ADGRE3: variants seen among roughly 807,000 people sequenced by gnomAD.
The protein encoded by ADGRE3 is EGF-like module receptor 3.
ADGRE3 carries 88 observed loss-of-function variants against 80.1 expected under a neutral mutation model. The ratio of observed to expected loss-of-function variants is 1.10; its 90% CI spans 0.93 to 1.31. ADGRE3 has a LOEUF of 1.31. Among genes scored for constraint, ADGRE3 ranks in the 40% most tolerant of loss-of-function variants. The pLI is 0.00. For synonymous variants in ADGRE3, 281 were observed against 294.8 expected (o/e 0.95, Z 0.48); for missense variants, 715 against 776.5 (o/e 0.92, Z 0.94).
the ADGRE3 span, among the ~76,000 whole-genome samples, chr19:14,609,658 T>C: frequency 6.6e-6 from 1 of 150,982 alleles, no homozygotes; most frequent in African/African-American, 2.4e-5. Context: ...GCCAACATGG[T>C]GAAACCCCGT....
chr19:14,673,026 A>C, intron 1 of ADGRE3, among the ~76,000 whole-genome samples: 1 of 152,178 alleles, frequency 6.6e-6, no homozygotes, highest in Non-Finnish European at 1.5e-5. Flanking sequence ...CCACCTCAGA[A>C]GTGTGGAGGA....
At chr19:14,659,398 A>G (rs1256340517) in intron 4 of ADGRE3, among the ~76,000 whole-genome samples, 1 of 152,148 alleles carries the variant, frequency 6.6e-6, no homozygotes, top group Non-Finnish European at 1.5e-5. Context: ...GTCCGAGAAA[A>G]CAGAAAATTA....
Position 14,647,451 on chromosome 19 carries a change from C to T in ADGRE3, c.698-86G>A, listed in dbSNP as rs1420884845. 8.9e-5 allele frequency: 101 copies of T among 1,128,828 alleles called. No homozygotes were observed. The African/African-American group carries it at 1.0e-3, about 11-fold the overall frequency. 69.9% of individuals were successfully genotyped at this position (1,128,828 alleles called of 1,614,324 possible). On this transcript the variant is annotated intron_variant, in intron 7 of 15. Transcript: ENST00000253673. ...TTTTGAGACGGAGTCTCGCTCTTGT[C>T]GCCCAGCCAGGCTGGAGTGCAGTGG...
At chr19:14,615,045 C>G (rs543422058), downstream of ADGRE3, among the ~76,000 whole-genome samples, 5 of 152,096 alleles carry the variant, frequency 3.3e-5, no homozygotes, top group African/African-American at 1.2e-4. Flanking sequence ...GCCACTACAC[C>G]TGGCTAACCA....
At chr19:14,642,613 C>T (rs1971284361) in intron 9 of ADGRE3, among the ~76,000 whole-genome samples, 1 of 152,086 alleles carries the variant, frequency 6.6e-6, no homozygotes, top group African/African-American at 2.4e-5. Context: ...CTGTTGTTCC[C>T]CTCTTTGTGT....
chr19:14,604,860 C>T, the ADGRE3 span, among the ~76,000 whole-genome samples: 1 of 152,026 alleles, frequency 6.6e-6, no homozygotes, highest in African/African-American at 2.4e-5. Flanking sequence ...TTGGCATTGC[C>T]TATAGTAGAA....
intron 6 of ADGRE3, among the ~76,000 whole-genome samples, chr19:14,653,914 C>T (rs1338010128): frequency 6.7e-6 from 1 of 150,246 alleles, no homozygotes; most frequent in Non-Finnish European, 1.5e-5. Flanking sequence ...GAAGAATAGG[C>T]ACTGACTTTT....
the ADGRE3 span, among the ~76,000 whole-genome samples, chr19:14,603,651 A>G: frequency 6.6e-6 from 1 of 151,444 alleles, no homozygotes; most frequent in Non-Finnish European, 1.5e-5. Flanking sequence ...TTTTTAGTAG[A>G]GTTAGGGTAT....
chr19:14,661,850 A>C (rs932013142), intron 4 of ADGRE3, 113 bp downstream of exon 4: 3 of 1,159,200 alleles, frequency 2.6e-6, no homozygotes, highest in Non-Finnish European at 3.7e-6. Flanking sequence ...CAGCCACTGC[A>C]CTCCAGCCTG....
chr19:14,649,416 ATC>A lies in ADGRE3; in HGVS notation c.697+1667_697+1668del, dbSNP rs1427688025. ...TCTCTCTCTTTCCATCTCTCTCCCC[ATC>A]TCTCTAATTTCATCTCTCTCTCCCC... On this transcript the variant is annotated intron_variant, in intron 7 of 15. Transcript: ENST00000253673. Among the ~76,000 whole-genome samples, 3 of 66,334 alleles carry A rather than the reference ATC, an allele frequency of 4.5e-5. No homozygotes were observed. In the Admixed American group the frequency reaches 4.5e-4, roughly 10 times the overall value. The allele number at this position is 66,334 out of a possible 152,430, so 43.5% of individuals were successfully genotyped here. A position where few individuals can be genotyped will look rare whatever the true frequency, so the allele number is the denominator to read the frequency against.
At chr19:14,610,147 C>T in the ADGRE3 span, 3 of 1,601,630 alleles carry the variant, frequency 1.9e-6, no homozygotes, top group Non-Finnish European at 2.6e-6. Context: ...AATGATCTCT[C>T]TTGCTACAAA....
At chr19:14,647,159 T>A (rs776318851) in intron 8 of ADGRE3, 22 bp downstream of exon 8, 1 of 1,608,082 alleles carries the variant, frequency 6.2e-7, no homozygotes, top group Non-Finnish European at 8.5e-7. Flanking sequence ...ACCCACAAGC[T>A]CAAATCATAC....
the ADGRE3 span, among the ~76,000 whole-genome samples, chr19:14,607,447 C>T: frequency 6.6e-6 from 1 of 151,902 alleles, no homozygotes; most frequent in Non-Finnish European, 1.5e-5. Flanking sequence ...TCGTGATCTG[C>T]CCGCCTTGGC....
chr19:14,674,802 C>T lies in ADGRE3; in HGVS notation c.-32G>A. 3.1e-6 allele frequency: 5 copies of T among 1,612,584 alleles called. No individual in the cohort carries two copies. The highest frequency in any genetic ancestry group is 4.2e-6 in the Non-Finnish European group (5 of 1,179,208). On this transcript the variant is annotated 5_prime_UTR_variant, in exon 1 of 16. Coordinates refer to ENST00000253673, the MANE Select transcript of ADGRE3 (RefSeq NM_032571.5). The stretch of plus-strand genomic sequence containing the variant: ...GGTACGGGTATCCCACGCCAGCCAG[C>T]CCTGGAAGCTCTCTACTGTGCCGTA...
At chr19:14,636,666 A>T (rs566332831) in intron 11 of ADGRE3, among the ~76,000 whole-genome samples, 71 of 152,262 alleles carry the variant, frequency 4.7e-4, no homozygotes, top group African/African-American at 1.7e-3. Context: ...CACATCCAGG[A>T]TTCACTGCCA....
chr19:14,613,395 ATT>A, the ADGRE3 span, among the ~76,000 whole-genome samples: 6 of 143,688 alleles, frequency 4.2e-5, no homozygotes, highest in Non-Finnish European at 3.0e-5. Flanking sequence ...GCTAATTTTA[ATT>A]TTTTTTTTTT....
chr19:14,669,955 C>T (rs368377854), intron 1 of ADGRE3, among the ~76,000 whole-genome samples: 1 of 152,090 alleles, frequency 6.6e-6, no homozygotes, highest in Non-Finnish European at 1.5e-5. Context: ...GAAAAATTAC[C>T]TATTCGGTAC....
chr19:14,621,861 A>T lies in ADGRE3; in HGVS notation c.1921-2390T>A. On this transcript the variant is annotated intron_variant, in intron 15 of 15. Coordinates refer to ENST00000253673, the MANE Select transcript of ADGRE3 (RefSeq NM_032571.5). Reference sequence around the variant, plus strand: ...GGAATGATGTCTGGACCAGTGGGACACTCTGGATTCTCCACAACATGAACC... The same window carrying T: ...GGAATGATGTCTGGACCAGTGGGACTCTCTGGATTCTCCACAACATGAACC... 6.7e-6 allele frequency: 7 copies of T among 1,050,770 alleles called. 3 individuals carry two copies. Among genetic ancestry groups the T allele is most frequent in the Non-Finnish European group, 9.3e-6 (7 of 755,516 alleles). 65.1% of individuals were successfully genotyped at this position (1,050,770 alleles called of 1,614,324 possible). A position where few individuals can be genotyped will look rare whatever the true frequency, so the allele number is the denominator to read the frequency against.
rs1476596283 is a variant in ADGRE3 at position 14,647,181 on chromosome 19, C to CT, written c.881dup (p.Met295AspfsTer40). On this transcript the variant is annotated frameshift_variant and splice_region_variant, in exon 8 of 16. Coordinates refer to ENST00000253673, the MANE Select transcript of ADGRE3 (RefSeq NM_032571.5). LOFTEE classifies it high-confidence loss of function. The stretch of plus-strand genomic sequence containing the variant: ...AGCTCAAATCATACCTGTGACCCAC[C>CT]TTCACGTGCTGGAAAGTCAGCGTCA... 6.2e-7 allele frequency: 1 copy of CT among 1,613,312 alleles called. No individual in the cohort carries two copies. The highest frequency in any genetic ancestry group is 8.5e-7 in the Non-Finnish European group (1 of 1,179,590).
Sources: allele counts gnomAD v4.1 joint callset (sites outside exome capture counted in the v4.1 genomes callset), GRCh38; gene constraint gnomAD v4.1.1; transcripts MANE v1.5; gene names NCBI Gene and HGNC (gene_info 2026-07-23, HGNC 2026-07-21).